CEACAM21: variants seen among roughly 807,000 people sequenced by gnomAD.
CEACAM21 encodes cell adhesion molecule CEACAM21.
A neutral mutation model predicts 33.2 loss-of-function variants in CEACAM21; 38 were observed. The observed-to-expected ratio is 1.14, with a 90% CI of 0.88 to 1.50. The LOEUF is 1.50. Ranked by LOEUF, CEACAM21 falls within the 40% of genes most tolerant of loss-of-function variation. The probability of loss-of-function intolerance (pLI) is 0.00; values close to 1 mark genes in which losing one functional copy is unlikely to be tolerated. For missense variants in CEACAM21, 385 were observed against 364.6 expected, an observed-to-expected ratio of 1.06 and a Z score of -0.46; for synonymous variants, 156 against 143.0, an observed-to-expected ratio of 1.09 and a Z score of -0.65.
At chr19:41,578,601 T>C (rs371573372) in intron 2 of CEACAM21, among the ~76,000 whole-genome samples, 7 of 152,186 alleles carry the variant, frequency 4.6e-5, no homozygotes, top group East Asian at 1.9e-4. Context: ...TCCTTTCTTC[T>C]TGGGCATCCT....
chr19:41,564,324 G>GTTA lies in CEACAM21; in HGVS notation c.-778-355_-778-353dup, dbSNP rs1397434709. ...GCCGCAAATAAAGACCAAGGAGTGA[G>GTTA]TTATTTATTATTTATTTATTTATTT... is the stretch of plus-strand genomic sequence containing the variant. On this transcript the variant is annotated intron_variant, in intron 1 of 7. Coordinates refer to the CEACAM21 transcript ENST00000407170. 4.3e-5 allele frequency among the ~76,000 whole-genome samples: 6 copies of GTTA among 138,858 alleles called. No individual in the cohort carries two copies. In the East Asian group the frequency reaches 7.0e-4, roughly 16 times the overall value. The allele number at this position is 138,858 out of a possible 152,430, so 91.1% of individuals were successfully genotyped here.
intron 1 of CEACAM21, among the ~76,000 whole-genome samples, chr19:41,558,554 G>A (rs2041680313): frequency 6.6e-6 from 1 of 152,144 alleles, no homozygotes. Context: ...GGCTGAGGCA[G>A]GAGAATCACT....
chr19:41,584,325 C>T, intron 3 of CEACAM21, 22 bp from the exon 4 acceptor site: 2 of 1,598,148 alleles, frequency 1.3e-6, no homozygotes, highest in Non-Finnish European at 1.7e-6. Flanking sequence ...TGGACCTCAT[C>T]CCCTTTGCCT....
chr19:41,579,412 G>A lies in CEACAM21; in HGVS notation c.484G>A (p.Val162Met), dbSNP rs781900469. The A allele has an allele frequency of 6.8e-6, 11 of 1,613,910 alleles. No homozygotes were observed. Among genetic ancestry groups the A allele is most frequent in the South Asian group, 5.5e-5 (5 of 91,078 alleles). ...CACCACAGTCACAGAGAAGGGCTCC[G>A]TGGTCCTGACCTGCCACACAAATAA... is the stretch of plus-strand genomic sequence containing the variant. ...SSTTVTEKGS[V>M]VLTCHTNNTG... The change falls in exon 3 of 7, where the codon GTG (valine) becomes ATG (methionine). Residue 162 changes from valine to methionine, a missense_variant. Transcript: ENST00000401445.
At chr19:41,576,037 G>T, upstream of CEACAM21, 1 of 579,342 alleles carries the variant, frequency 1.7e-6, no homozygotes, top group Non-Finnish European at 3.0e-6. Flanking sequence ...CCAAATATAG[G>T]CAAAAAGGAA....
chr19:41,585,834 C>A lies in CEACAM21; in HGVS notation c.851-6C>A. On this transcript the variant is annotated splice_polypyrimidine_tract_variant and splice_region_variant and intron_variant, in intron 5 of 6. Coordinates refer to ENST00000401445, the MANE Select transcript of CEACAM21 (RefSeq NM_001098506.4). ...CTCTCGTGCTCACTTTTGTCTCTGTCCCCAGGCCATGGACCCTCTGACAGC... is the reference window on the plus strand; with the variant it reads ...CTCTCGTGCTCACTTTTGTCTCTGTACCCAGGCCATGGACCCTCTGACAGC... 6.2e-7 allele frequency: 1 copy of A among 1,612,356 alleles called. No homozygotes were observed. The highest frequency in any genetic ancestry group is 1.1e-5 in the South Asian group (1 of 90,560).
chr19:41,578,009 C>T (rs1373216430), intron 2 of CEACAM21, among the ~76,000 whole-genome samples: 1 of 152,156 alleles, frequency 6.6e-6, no homozygotes, highest in African/African-American at 2.4e-5. Context: ...TTGTGGCTTC[C>T]TGGGCAGGGC....
intron 6 of CEACAM21, 42 bp downstream of exon 6, chr19:41,585,913 A>G: frequency 1.9e-6 from 3 of 1,603,194 alleles, no homozygotes; most frequent in East Asian, 2.2e-5. Flanking sequence ...CTGGGGCCCC[A>G]GCTGTGCAGG....
intron 3 of CEACAM21, among the ~76,000 whole-genome samples, chr19:41,584,080 G>C (rs1266021914): frequency 6.6e-6 from 1 of 152,158 alleles, no homozygotes; most frequent in Non-Finnish European, 1.5e-5. Flanking sequence ...AGAGGAAGGA[G>C]GGACTAAAAA....
In CEACAM21 at chr19:41,579,391, A is replaced by T; in HGVS notation, c.463A>T (p.Thr155Ser). ...AQPSIQASST[T>S]VTEKGSVVLT... ...GCCCTCCATCCAAGCCAGCAGCACC[A>T]CAGTCACAGAGAAGGGCTCCGTGGT... The change falls in exon 3 of 7, where the codon ACA becomes TCA. Residue 155 changes from threonine (T) to serine (S), a missense_variant. By Grantham distance (58) the Thr-to-Ser change is moderately conservative. Transcript: ENST00000401445. 1 of 1,613,968 alleles carries T rather than the reference A, an allele frequency of 6.2e-7. No homozygotes were observed. Among genetic ancestry groups the T allele is most frequent in the African/African-American group, 1.3e-5 (1 of 75,024 alleles).
intron 1 of CEACAM21, among the ~76,000 whole-genome samples, chr19:41,556,365 G>A (rs1555785603): frequency 6.6e-6 from 1 of 152,202 alleles, no homozygotes; most frequent in African/African-American, 2.4e-5. Context: ...ATTGTACCAA[G>A]CAATTAATTT....
At chr19:41,577,131 A>C (rs2043006473) in intron 1 of CEACAM21, 69 bp from the exon 2 acceptor site, 1 of 1,590,410 alleles carries the variant, frequency 6.3e-7, no homozygotes, top group African/African-American at 1.4e-5. Flanking sequence ...AGAGACCTGC[A>C]CCCAGGACCC....
upstream of CEACAM21, among the ~76,000 whole-genome samples, chr19:41,571,999 G>T (rs1455551725): frequency 2.0e-5 from 3 of 151,372 alleles, no homozygotes; most frequent in African/African-American, 7.3e-5. Context: ...CTTGGGAAAA[G>T]TGATTCTCTA....
At chr19:41,578,742 A>G (rs1050082864) in intron 2 of CEACAM21, among the ~76,000 whole-genome samples, 1 of 152,202 alleles carries the variant, frequency 6.6e-6, no homozygotes. Flanking sequence ...CTCTCCCATC[A>G]GATCCACATT....
At chr19:41,586,122 T>C in intron 6 of CEACAM21, 1 of 604,830 alleles carries the variant, frequency 1.7e-6, no homozygotes, top group Non-Finnish European at 3.0e-6. Flanking sequence ...AATCCTTCCC[T>C]GTCCCCTGAC....
At chr19:41,570,512 A>AG (rs1165241708) in intron 2 of CEACAM21, among the ~76,000 whole-genome samples, 1 of 152,156 alleles carries the variant, frequency 6.6e-6, no homozygotes, top group Non-Finnish European at 1.5e-5. Flanking sequence ...GAAGGAGATG[A>AG]GAGGCCCGGG....
At position 41,583,750 on chromosome 19, in the gene CEACAM21, C is replaced by A. The variant is rs2070490049; in HGVS notation, c.701-597C>A. ...ACCCTCATGATTCAATTACCTCCCA[C>A]AAGGTCCCTCCCATAACACATGGGG... is the stretch of plus-strand genomic sequence containing the variant. On this transcript the variant is annotated intron_variant, in intron 3 of 6. Coordinates refer to ENST00000401445, the MANE Select transcript of CEACAM21 (RefSeq NM_001098506.4). Among the ~76,000 whole-genome samples the A allele has an allele frequency of 2.0e-5, 3 of 152,192 alleles. 1 individual carries two copies. The South Asian group carries it at 6.2e-4, about 31-fold the overall frequency.
upstream of CEACAM21, among the ~76,000 whole-genome samples, chr19:41,575,372 T>A (rs1304359954): frequency 2.6e-5 from 4 of 152,222 alleles, no homozygotes; most frequent in Admixed American, 6.5e-5. Context: ...AAGAGATCTT[T>A]GGGAAACAAA....
At chr19:41,578,248 G>A (rs1022145740) in intron 2 of CEACAM21, among the ~76,000 whole-genome samples, 10 of 151,522 alleles carry the variant, frequency 6.6e-5, no homozygotes, top group African/African-American at 2.4e-4. Context: ...AGGGAAAGCA[G>A]AGAAAAGACA....
Sources: allele counts gnomAD v4.1 joint callset (sites outside exome capture counted in the v4.1 genomes callset), GRCh38; gene constraint gnomAD v4.1.1; transcripts MANE v1.5; gene names NCBI Gene and HGNC (gene_info 2026-07-23, HGNC 2026-07-21).